Variants in ITGA1 observed in about 807,000 individuals in gnomAD.
ITGA1 encodes integrin subunit alpha 1.
ITGA1 carries 85 observed loss-of-function variants against 145.9 expected under a neutral mutation model. That is an observed-to-expected ratio of 0.58 (90% CI 0.49 to 0.70). ITGA1 has a LOEUF of 0.70. Ranked by LOEUF, ITGA1 falls within the 30% of genes least tolerant of loss-of-function variation. ITGA1 has a pLI of 0.00. For missense variants in ITGA1, 1,351 were observed against 1,418.7 expected (o/e 0.95, Z 0.77); for synonymous variants, 520 against 495.3 (o/e 1.05, Z -0.66).
At chr5:52,823,549 T>G (rs1291572674) in intron 1 of ITGA1, among the ~76,000 whole-genome samples, 1 of 152,218 alleles carries the variant, frequency 6.6e-6, no homozygotes, top group African/African-American at 2.4e-5. Flanking sequence ...AAGTCCATCT[T>G]ATTCTCTTGG....
chr5:52,910,665 A>G (rs915030610), intron 14 of ITGA1, among the ~76,000 whole-genome samples: 2 of 147,380 alleles, frequency 1.4e-5, no homozygotes, highest in East Asian at 2.0e-4. Flanking sequence ...TGTATATAGT[A>G]TATATATATA....
chr5:52,886,684 T>C (rs1203668233), intron 7 of ITGA1, among the ~76,000 whole-genome samples: 1 of 152,372 alleles, frequency 6.6e-6, no homozygotes, highest in South Asian at 2.1e-4. Flanking sequence ...TATATATTTA[T>C]ATAGAATACA....
At chr5:52,853,800 G>A (rs1749464379) in intron 2 of ITGA1, among the ~76,000 whole-genome samples, 1 of 152,186 alleles carries the variant, frequency 6.6e-6, no homozygotes, top group Non-Finnish European at 1.5e-5. Flanking sequence ...CCAAGTAATT[G>A]CAATGTGGTT....
Position 52,911,757 on chromosome 5 carries a change from GTGTATCTACTATATATACTATATATATA to G in ITGA1, c.1857+1339_1857+1366del, listed in dbSNP as rs1166002703. Among the ~76,000 whole-genome samples, 17 of 107,608 alleles carry G rather than the reference GTGTATCTACTATATATACTATATATATA, an allele frequency of 1.6e-4. No homozygotes were observed. The South Asian group carries it at 2.2e-3, about 14-fold the overall frequency. 70.6% of individuals were successfully genotyped at this position (107,608 alleles called of 152,430 possible). On this transcript the variant is annotated intron_variant, in intron 14 of 28. Coordinates refer to ENST00000282588, the MANE Select transcript of ITGA1 (RefSeq NM_181501.2). ...ATCTACTATATATACTATACATATAGTGTATCTACTATATATACTATATATATAGTGTATCTACTATATATACTATATA... is the reference window on the plus strand; with the variant it reads ...ATCTACTATATATACTATACATATAGGTGTATCTACTATATATACTATATA...
chr5:52,827,158 A>G (rs1748982393), intron 1 of ITGA1, among the ~76,000 whole-genome samples: 1 of 151,562 alleles, frequency 6.6e-6, no homozygotes, highest in South Asian at 2.1e-4. Context: ...AGTTTAGTAG[A>G]AACTGATTTC....
chr5:52,830,126 T>C (rs1187833578), intron 1 of ITGA1, among the ~76,000 whole-genome samples: 5 of 152,184 alleles, frequency 3.3e-5, no homozygotes, highest in Non-Finnish European at 7.4e-5. Flanking sequence ...TAGGGTATAG[T>C]AGCTCTGTGG....
At chr5:52,809,082 G>T (rs1380230543) in intron 1 of ITGA1, among the ~76,000 whole-genome samples, 1 of 152,224 alleles carries the variant, frequency 6.6e-6, no homozygotes, top group Non-Finnish European at 1.5e-5. Context: ...CTCAAACTCA[G>T]TTTTGAAGTC....
At chr5:52,876,095 C>T (rs1475864191) in intron 6 of ITGA1, among the ~76,000 whole-genome samples, 1 of 152,132 alleles carries the variant, frequency 6.6e-6, no homozygotes, top group Non-Finnish European at 1.5e-5. Context: ...AATAAATATG[C>T]TTGTGATTTT....
chr5:52,874,207 G>C (rs1026053709), intron 6 of ITGA1, among the ~76,000 whole-genome samples: 1 of 152,120 alleles, frequency 6.6e-6, no homozygotes, highest in African/African-American at 2.4e-5. Flanking sequence ...AAGCAGCCAC[G>C]TGCAAAAAGA....
chr5:52,858,251 C>G (rs73754054), intron 2 of ITGA1, among the ~76,000 whole-genome samples: 41,826 of 152,064 alleles, frequency 0.28, 6,038 homozygotes, highest in South Asian at 0.39. Flanking sequence ...TAGAATAAAG[C>G]CAAAGTTCTT....
At chr5:52,912,957 A>C (rs533841266) in intron 14 of ITGA1, among the ~76,000 whole-genome samples, 9 of 151,982 alleles carry the variant, frequency 5.9e-5, no homozygotes, top group African/African-American at 2.2e-4. Flanking sequence ...CGTGTTAGCC[A>C]GGATGGTTTT....
chr5:52,798,674 T>C (rs1414382458), intron 1 of ITGA1, among the ~76,000 whole-genome samples: 1 of 152,134 alleles, frequency 6.6e-6, no homozygotes, highest in East Asian at 1.9e-4. Flanking sequence ...TGAATCTGCA[T>C]TTTTACGTAA....
At chr5:52,789,565 T>C (rs927619133) in intron 1 of ITGA1, among the ~76,000 whole-genome samples, 2 of 152,132 alleles carry the variant, frequency 1.3e-5, no homozygotes, top group Non-Finnish European at 2.9e-5. Context: ...AATTAGCTAC[T>C]GGCTTTTCAT....
At chr5:52,856,398 GTTC>G (rs1749512006) in intron 2 of ITGA1, among the ~76,000 whole-genome samples, 1 of 152,058 alleles carries the variant, frequency 6.6e-6, no homozygotes, top group Admixed American at 6.6e-5. Context: ...TAGTGAGTCA[GTTC>G]TTCTCTACAA....
At chr5:52,829,059 A>C (rs1490123230) in intron 1 of ITGA1, among the ~76,000 whole-genome samples, 3 of 152,198 alleles carry the variant, frequency 2.0e-5, no homozygotes, top group Non-Finnish European at 4.4e-5. Context: ...AGACATCCTT[A>C]ACTTAAATAC....
chr5:52,918,692 T>C (rs766356317), intron 15 of ITGA1, 40 bp from the exon 16 acceptor site: 1 of 1,577,734 alleles, frequency 6.3e-7, no homozygotes. Flanking sequence ...ATTCATTAAA[T>C]GTAAAAATGT....
chr5:52,853,840 T>G (rs1016696015), intron 2 of ITGA1, among the ~76,000 whole-genome samples: 4 of 152,194 alleles, frequency 2.6e-5, no homozygotes, highest in African/African-American at 4.8e-5. Context: ...TATAATTGCC[T>G]TCATAATTTT....
chr5:52,861,966 C>T lies in ITGA1; in HGVS notation c.295+407C>T, dbSNP rs191854361. ...GGCGCAGTGTCTCACACCTGTAATC[C>T]CAGCACTTTGGGAGGCCGAGGCAGG... On this transcript the variant is annotated intron_variant, in intron 3 of 28. Transcript: ENST00000282588. Among the ~76,000 whole-genome samples, 115 of 151,950 alleles carry T rather than the reference C, an allele frequency of 7.6e-4. No homozygotes were observed. In the East Asian group the frequency reaches 0.019, roughly 25 times the overall value.
chr5:52,893,738 A>G lies in ITGA1; in HGVS notation c.988A>G (p.Ile330Val), dbSNP rs1411976452. 5 of 1,613,140 alleles carry G rather than the reference A, an allele frequency of 3.1e-6. No homozygotes were observed. The highest frequency in any genetic ancestry group is 4.2e-6 in the Non-Finnish European group (5 of 1,179,330). The change falls in exon 9 of 29, where the codon ATT becomes GTT. Residue 330 changes from isoleucine (I) to valine (V), a missense_variant. Coordinates refer to ENST00000282588, the MANE Select transcript of ITGA1 (RefSeq NM_181501.2). ...AAAATTTGTGGAGGAAATAAAATCAATTGCAAGTGAACCCACTGAAAAGCA... is the reference window on the plus strand; with the variant it reads ...AAAATTTGTGGAGGAAATAAAATCAGTTGCAAGTGAACCCACTGAAAAGCA... ...TEKFVEEIKS[I>V]ASEPTEKHFF... is the part of the protein sequence containing the mutation.
Sources: gnomAD v4.1 joint callset for allele counts (sites outside exome capture counted in the v4.1 genomes callset) on GRCh38, gnomAD v4.1.1 for gene constraint, MANE v1.5 for transcripts, NCBI Gene and HGNC (gene_info 2026-07-23, HGNC 2026-07-21) for gene names.